The following CLVS1 variants were observed in gnomAD, a reference collection of about 807,000 sequenced individuals.
The protein encoded by CLVS1 is clavesin 1.
CLVS1 carries 10 observed loss-of-function variants against 33.1 expected under a neutral mutation model. The ratio of observed to expected loss-of-function variants is 0.30; its 90% CI spans 0.19 to 0.51. The LOEUF is 0.51. Among genes scored for constraint, CLVS1 ranks in the 20% least tolerant of loss-of-function variants. The probability of loss-of-function intolerance (pLI) is 0.97; values close to 1 mark genes in which losing one functional copy is unlikely to be tolerated. For missense variants in CLVS1, 343 were observed against 433.4 expected (o/e 0.79, Z 1.85); for synonymous variants, 163 against 166.1 (o/e 0.98, Z 0.14).
intron 2 of CLVS1, among the ~76,000 whole-genome samples, chr8:61,143,630 TTCTC>T (rs1806354656): frequency 6.6e-6 from 1 of 151,594 alleles, no homozygotes; most frequent in African/African-American, 2.4e-5. Context: ...CTGCCCTGAA[TTCTC>T]TCTCTCAGAG....
chr8:61,449,038 G>A (rs1292997792), intron 3 of CLVS1, among the ~76,000 whole-genome samples: 1 of 150,512 alleles, frequency 6.6e-6, no homozygotes, highest in Non-Finnish European at 1.5e-5. Context: ...GTTTTAGCTG[G>A]CTTTTTTTTT....
intron 2 of CLVS1, among the ~76,000 whole-genome samples, chr8:61,358,826 A>G (rs1404103549): frequency 1.3e-5 from 2 of 152,228 alleles, no homozygotes; most frequent in Non-Finnish European, 2.9e-5. Context: ...CCAAATGTAT[A>G]GAAGGCCTTA....
At chr8:61,230,900 T>A (rs553280226) in intron 2 of CLVS1, among the ~76,000 whole-genome samples, 1 of 152,272 alleles carries the variant, frequency 6.6e-6, no homozygotes, top group African/African-American at 2.4e-5. Context: ...TGATGTGTGC[T>A]CACATAGTGG....
At chr8:61,225,888 G>A (rs566474560) in intron 2 of CLVS1, among the ~76,000 whole-genome samples, 1 of 152,326 alleles carries the variant, frequency 6.6e-6, no homozygotes, top group Non-Finnish European at 1.5e-5. Context: ...GGTTGCATCT[G>A]CCTTTCATGG....
chr8:61,085,667 G>C (rs1373155554), intron 1 of CLVS1, among the ~76,000 whole-genome samples: 1 of 151,394 alleles, frequency 6.6e-6, no homozygotes, highest in African/African-American at 2.4e-5. Flanking sequence ...GAGGCAGGTG[G>C]GTCACTTGAG....
intron 4 of CLVS1, among the ~76,000 whole-genome samples, chr8:61,455,497 T>C (rs1817117289): frequency 1.3e-5 from 2 of 152,180 alleles, no homozygotes; most frequent in Non-Finnish European, 2.9e-5. Flanking sequence ...GTTAATATAA[T>C]TGTTCTTTAG....
chr8:61,239,554 T>G lies in CLVS1; in HGVS notation c.-151-60123T>G, dbSNP rs1481274575. Reference sequence around the variant, plus strand: ...TCGAGACCCCACCTGGGCAACGTGGTAAGACCCCTGTATCTACAAAACAAT... The same window carrying G: ...TCGAGACCCCACCTGGGCAACGTGGGAAGACCCCTGTATCTACAAAACAAT... On this transcript the variant is annotated intron_variant, in intron 2 of 2. Coordinates refer to the CLVS1 transcript ENST00000522621. Among the ~76,000 whole-genome samples the G allele has an allele frequency of 2.0e-5, 3 of 152,014 alleles. No individual in the cohort carries two copies. In the East Asian group the frequency reaches 5.8e-4, roughly 29 times the overall value.
chr8:61,118,055 T>C (rs1162398620), intron 1 of CLVS1, among the ~76,000 whole-genome samples: 1 of 152,118 alleles, frequency 6.6e-6, no homozygotes, highest in African/African-American at 2.4e-5. Flanking sequence ...TCAGATCCTG[T>C]TATTGGTCTA....
intron 2 of CLVS1, among the ~76,000 whole-genome samples, chr8:61,197,317 G>A (rs775320504): frequency 2.0e-4 from 31 of 152,080 alleles, no homozygotes; most frequent in East Asian, 3.8e-4. Flanking sequence ...CCCCTTTGTC[G>A]AAAATGAATT....
chr8:61,249,298 A>G (rs572930647), intron 2 of CLVS1, among the ~76,000 whole-genome samples: 7 of 152,116 alleles, frequency 4.6e-5, no homozygotes, highest in Non-Finnish European at 5.9e-5. Context: ...TATGTGCCAC[A>G]TTTTCTTTAT....
the CLVS1 span, among the ~76,000 whole-genome samples, chr8:60,978,933 T>C: frequency 2.6e-5 from 4 of 151,490 alleles, no homozygotes; most frequent in Admixed American, 2.6e-4. Context: ...TGTTTCAGAA[T>C]ATCTTCTAAT....
At chr8:61,079,396 T>C (rs967606708) in intron 1 of CLVS1, among the ~76,000 whole-genome samples, 6 of 152,234 alleles carry the variant, frequency 3.9e-5, no homozygotes, top group Admixed American at 1.3e-4. Flanking sequence ...GCTGGTAATA[T>C]GTTAAACTGC....
At position 61,092,947 on chromosome 8, in the gene CLVS1, GC is replaced by G. The variant is rs11294944; in HGVS notation, c.-243+35718del. 7.8e-3 allele frequency among the ~76,000 whole-genome samples: 1,191 copies of G among 152,290 alleles called. 12 individuals carry two copies. The highest frequency in any genetic ancestry group is 0.027 in the African/African-American group (1,128 of 41,530). On this transcript the variant is annotated intron_variant, in intron 1 of 2. Coordinates refer to the CLVS1 transcript ENST00000522621. ...GGCAGGGATTATGGCCATGGATAGA[GC>G]AGTGCAAGGACGAGACACATCCCAG...
chr8:61,414,544 T>G (rs1250516517), intron 3 of CLVS1, among the ~76,000 whole-genome samples: 3 of 152,088 alleles, frequency 2.0e-5, no homozygotes, highest in Non-Finnish European at 4.4e-5. Flanking sequence ...CTCTGAGTTG[T>G]TTCTCCAAGA....
intron 3 of CLVS1, among the ~76,000 whole-genome samples, chr8:61,414,145 T>C (rs1815339419): frequency 6.6e-6 from 1 of 152,186 alleles, no homozygotes; most frequent in Non-Finnish European, 1.5e-5. Context: ...TGCCCCAAAG[T>C]GGCTCACACC....
At chr8:61,166,393 C>T (rs747239861) in intron 2 of CLVS1, among the ~76,000 whole-genome samples, 7 of 152,062 alleles carry the variant, frequency 4.6e-5, no homozygotes, top group East Asian at 1.9e-4. Flanking sequence ...CTCAGCCTCC[C>T]GAAGTGCTGG....
the CLVS1 span, among the ~76,000 whole-genome samples, chr8:60,991,994 C>T: frequency 3.3e-5 from 5 of 152,100 alleles, no homozygotes; most frequent in Admixed American, 6.5e-5. Context: ...GTGATCCACC[C>T]GCCTTGGCCT....
chr8:61,069,335 A>G (rs1804747068), intron 1 of CLVS1, among the ~76,000 whole-genome samples: 2 of 152,146 alleles, frequency 1.3e-5, no homozygotes, highest in African/African-American at 4.8e-5. Flanking sequence ...CTCGCTTTCC[A>G]ACATTTTGAG....
At chr8:61,401,519 C>T (rs1457494683) in intron 3 of CLVS1, among the ~76,000 whole-genome samples, 1 of 152,142 alleles carries the variant, frequency 6.6e-6, no homozygotes, top group Admixed American at 6.6e-5. Context: ...AGGACTTCTT[C>T]AAGGTGAACT....
Sources: allele counts gnomAD v4.1 joint callset (sites outside exome capture counted in the v4.1 genomes callset), GRCh38; gene constraint gnomAD v4.1.1; transcripts MANE v1.5; gene names NCBI Gene and HGNC (gene_info 2026-07-23, HGNC 2026-07-21).